Variants in TGM3 observed in about 807,000 individuals in gnomAD.
TGM3 encodes the protein protein-glutamine gamma-glutamyltransferase E.
TGM3 carries 52 observed loss-of-function variants against 73.8 expected under a neutral mutation model. That is an observed-to-expected ratio of 0.70 (90% confidence interval 0.56 to 0.89). TGM3 has a LOEUF of 0.89. Ranked by LOEUF, TGM3 falls within the 40% of genes least tolerant of loss-of-function variation. TGM3 has a pLI of 0.00. For missense variants in TGM3, 928 were observed against 909.9 expected, an observed-to-expected ratio of 1.02 and a Z score of -0.26; for synonymous variants, 372 against 354.9, an observed-to-expected ratio of 1.05 and a Z score of -0.54.
At chr20:2,329,680 C>G (rs986100168) in intron 9 of TGM3, among the ~76,000 whole-genome samples, 4 of 152,148 alleles carry the variant, frequency 2.6e-5, no homozygotes, top group Non-Finnish European at 4.4e-5. Context: ...AAGGTGAACT[C>G]TAGCCCTACC....
intron 7 of TGM3, among the ~76,000 whole-genome samples, chr20:2,324,728 T>C (rs572146418): frequency 6.6e-6 from 1 of 152,334 alleles, no homozygotes; most frequent in East Asian, 1.9e-4. Context: ...CAGAAAGCTG[T>C]GGGCTGCCTG....
In TGM3 at chr20:2,339,848, C is replaced by T. The variant is rs4097062; in HGVS notation, c.1801-6C>T. 1.9e-6 allele frequency: 3 copies of T among 1,613,808 alleles called. No homozygotes were observed. The highest frequency in any genetic ancestry group is 4.5e-5 in the East Asian group (2 of 44,890). ...GTCCTGACTCGGCAGCCCCTCTCCCCCATAGGTGCTGAACGAGGCTCGTGT... is the reference window on the plus strand; with the variant it reads ...GTCCTGACTCGGCAGCCCCTCTCCCTCATAGGTGCTGAACGAGGCTCGTGT... On this transcript the variant is annotated splice_polypyrimidine_tract_variant and splice_region_variant and intron_variant, in intron 11 of 12. Coordinates refer to ENST00000381458, the MANE Select transcript of TGM3 (RefSeq NM_003245.4).
At chr20:2,339,754 C>T in intron 11 of TGM3, 100 bp from the exon 12 acceptor site, 1 of 1,521,064 alleles carries the variant, frequency 6.6e-7, no homozygotes, top group African/African-American at 1.4e-5. Context: ...TCCTCAGTGA[C>T]ATCACCCCCT....
intron 7 of TGM3, among the ~76,000 whole-genome samples, chr20:2,325,448 C>T (rs898550570): frequency 6.6e-6 from 1 of 152,198 alleles, no homozygotes; most frequent in Non-Finnish European, 1.5e-5. Context: ...AAGCATACCC[C>T]GCCAGGCAGA....
intron 4 of TGM3, among the ~76,000 whole-genome samples, chr20:2,312,202 C>A (rs45539435): frequency 0.011 from 1,625 of 151,898 alleles, 29 homozygotes; most frequent in African/African-American, 0.037. Flanking sequence ...GAATTCGAGA[C>A]CAGCCTGGCC....
In TGM3 at chr20:2,332,453, T is replaced by C; in HGVS notation, c.1642+143T>C. On this transcript the variant is annotated intron_variant, in intron 10 of 12. Transcript: ENST00000381458. The surrounding 1 kb of genome is among the most constrained non-coding windows in gnomAD (Gnocchi z 4.4). Reference sequence around the variant, plus strand: ...CCCCTGTGGTTAAGCCATGTATTAATGCTTTGGAAGTTTCTGTCTCTATGA... The same window carrying C: ...CCCCTGTGGTTAAGCCATGTATTAACGCTTTGGAAGTTTCTGTCTCTATGA... The C allele has an allele frequency of 1.2e-6, 1 of 862,080 alleles. No individual in the cohort carries two copies. The highest frequency in any genetic ancestry group is 1.8e-5 in the South Asian group (1 of 54,294). 53.4% of individuals were successfully genotyped at this position (862,080 alleles called of 1,614,324 possible). A position where few individuals can be genotyped will look rare whatever the true frequency, so the allele number is the denominator to read the frequency against.
intron 5 of TGM3, among the ~76,000 whole-genome samples, chr20:2,314,592 A>AT (rs2084223946): frequency 6.6e-6 from 1 of 150,936 alleles, no homozygotes; most frequent in Non-Finnish European, 1.5e-5. Flanking sequence ...ATCGTGACAC[A>AT]TGCCTGTAGT....
intron 12 of TGM3, 147 bp from the exon 13 acceptor site, chr20:2,340,287 C>T (rs907067481): frequency 2.0e-5 from 25 of 1,280,910 alleles, no homozygotes; most frequent in Admixed American, 4.6e-5. Flanking sequence ...GGAGGGGCCC[C>T]GTAACCCAGA....
At position 2,340,745 on chromosome 20, in the gene TGM3, C is replaced by A; in HGVS notation, c.*164C>A. 2.1e-6 allele frequency: 2 copies of A among 937,002 alleles called. No individual in the cohort carries two copies. The highest frequency in any genetic ancestry group is 1.6e-5 in the African/African-American group (1 of 61,362). 58.0% of individuals were successfully genotyped at this position (937,002 alleles called of 1,614,324 possible). On this transcript the variant is annotated 3_prime_UTR_variant, in exon 13 of 13. Coordinates refer to ENST00000381458, the MANE Select transcript of TGM3 (RefSeq NM_003245.4). ...CTCCAGCACATCCCCCTCTCCTCTC[C>A]CCCAGGTTGGGGCTGGGTCCACCCT... is the stretch of plus-strand genomic sequence containing the variant.
Position 2,309,737 on chromosome 20 carries a change from C to G in TGM3, c.88C>G (p.Leu30Val), listed in dbSNP as rs1395056185. ...HHTDKFSSQE[L>V]ILRRGQNFQV... ...CACAGACAAGTTCTCCAGCCAGGAG[C>G]TCATCTTGCGGAGAGGCCAAAACTT... is the stretch of plus-strand genomic sequence containing the variant. The change falls in exon 2 of 13, where the codon CTC (leucine) becomes GTC (valine). Residue 30 changes from leucine to valine, a missense_variant. Coordinates refer to ENST00000381458, the MANE Select transcript of TGM3 (RefSeq NM_003245.4). The G allele has an allele frequency of 4.3e-6, 7 of 1,614,108 alleles. No individual in the cohort carries two copies. The African/African-American group carries it at 5.3e-5, about 12-fold the overall frequency.
intron 1 of TGM3, 95 bp from the exon 2 acceptor site, chr20:2,309,562 C>A: frequency 1.5e-6 from 2 of 1,336,728 alleles, no homozygotes; most frequent in South Asian, 1.3e-5. Context: ...CTTGACAAGC[C>A]TCACCCCAAA....
chr20:2,317,712 TCAGA>T (rs1203819738), intron 7 of TGM3, among the ~76,000 whole-genome samples: 1 of 151,976 alleles, frequency 6.6e-6, no homozygotes, highest in Non-Finnish European at 1.5e-5. Context: ...CTTGCTGCCG[TCAGA>T]CAAAGGATCT....
intron 1 of TGM3, among the ~76,000 whole-genome samples, chr20:2,305,318 G>C (rs2084171280): frequency 6.6e-6 from 1 of 152,212 alleles, no homozygotes; most frequent in Non-Finnish European, 1.5e-5. Flanking sequence ...GCCAGTACCA[G>C]TCATCTCATT....
chr20:2,310,907 T>A, intron 3 of TGM3, 104 bp from the exon 4 acceptor site: 1 of 973,298 alleles, frequency 1.0e-6, no homozygotes. Flanking sequence ...AGGTGGGGCT[T>A]GCTCCAACCC....
chr20:2,317,621 C>A, intron 7 of TGM3, 136 bp downstream of exon 7: 1 of 1,248,476 alleles, frequency 8.0e-7, no homozygotes. Context: ...TAGAATGGAA[C>A]TGCTGGCAAT....
rs534431547 is a variant in TGM3, at chr20:2,332,473, C to G, written c.1642+163C>G. Among the ~76,000 whole-genome samples the G allele has an allele frequency of 1.3e-5, 2 of 152,324 alleles. No individual in the cohort carries two copies. Among genetic ancestry groups the G allele is most frequent in the African/African-American group, 4.8e-5 (2 of 41,568 alleles). Reference sequence around the variant, plus strand: ...ATTAATGCTTTGGAAGTTTCTGTCTCTATGAACAGAGTGATGCCAACCAAA... The same window carrying G: ...ATTAATGCTTTGGAAGTTTCTGTCTGTATGAACAGAGTGATGCCAACCAAA... On this transcript the variant is annotated intron_variant, in intron 10 of 12. Transcript: ENST00000381458. The surrounding 1 kb of genome is among the most constrained non-coding windows in gnomAD (Gnocchi z 4.4).
chr20:2,297,305 A>G (rs541135700), intron 1 of TGM3, among the ~76,000 whole-genome samples: 1 of 152,340 alleles, frequency 6.6e-6, no homozygotes, highest in East Asian at 1.9e-4. Context: ...AACATAAAAA[A>G]GCAATTCTGA....
At position 2,318,386 on chromosome 20, in the gene TGM3, T is replaced by TAC. The variant is rs763439336; in HGVS notation, c.983+912_983+913dup. 2.6e-5 allele frequency among the ~76,000 whole-genome samples: 4 copies of TAC among 152,022 alleles called. No homozygotes were observed. In the East Asian group the frequency reaches 7.7e-4, roughly 29 times the overall value. On this transcript the variant is annotated intron_variant, in intron 7 of 12. Coordinates refer to ENST00000381458, the MANE Select transcript of TGM3 (RefSeq NM_003245.4). ...AAGTATGCCATGTGCACACTATCAATACACACACACACGTAATTTAATGAT... is the reference window on the plus strand; with the variant it reads ...AAGTATGCCATGTGCACACTATCAATACACACACACACACGTAATTTAATGAT...
chr20:2,299,234 G>A (rs2084128715), intron 1 of TGM3, among the ~76,000 whole-genome samples: 1 of 152,064 alleles, frequency 6.6e-6, no homozygotes, highest in Non-Finnish European at 1.5e-5. Context: ...ATTTTTTCAT[G>A]AGCCTGTTTT....
Sources: gnomAD v4.1 joint callset for allele counts (sites outside exome capture counted in the v4.1 genomes callset) on GRCh38, gnomAD v4.1.1 for gene constraint, Gnocchi (gnomAD v3.1) non-coding constraint, MANE v1.5 for transcripts, NCBI Gene and HGNC (gene_info 2026-07-23, HGNC 2026-07-21) for gene names.